The following PKLR variants were observed in gnomAD, a reference collection of about 807,000 sequenced individuals.
PKLR encodes the protein pyruvate kinase PKLR.
A neutral mutation model predicts 53.6 loss-of-function variants in PKLR; 38 were observed. The observed-to-expected ratio is 0.71, with a 90% CI of 0.55 to 0.93. PKLR has a LOEUF of 0.93. Ranked by LOEUF, PKLR falls within the 40% of genes least tolerant of loss-of-function variation. The pLI is 0.00. For synonymous variants in PKLR, 328 were observed against 316.2 expected, an observed-to-expected ratio of 1.04 and a Z score of -0.39; for missense variants, 702 against 787.3, an observed-to-expected ratio of 0.89 and a Z score of 1.30.
chr1:155,295,847 G>A lies in PKLR; in HGVS notation c.284-91C>T, dbSNP rs1033646517. 8 of 1,059,410 alleles carry A rather than the reference G, an allele frequency of 7.6e-6. No individual in the cohort carries two copies. The highest frequency in any genetic ancestry group is 3.8e-5 in the South Asian group (3 of 78,794). 65.6% of individuals were successfully genotyped at this position (1,059,410 alleles called of 1,614,324 possible). A position where few individuals can be genotyped will look rare whatever the true frequency, so the allele number is the denominator to read the frequency against. ...CATTACCATTCTCAGAACGCCTCACGCCACAGGCGTCCTGTTACCTGATCT... is the reference window on the plus strand; with the variant it reads ...CATTACCATTCTCAGAACGCCTCACACCACAGGCGTCCTGTTACCTGATCT... On this transcript the variant is annotated intron_variant, in intron 2 of 10. Coordinates refer to ENST00000342741, the MANE Select transcript of PKLR (RefSeq NM_000298.6). This position sits in a 1 kb window ranked among gnomAD's most constrained non-coding sequence, Gnocchi z 4.3.
At chr1:155,302,492 T>C (rs1572066125), upstream of PKLR, among the ~76,000 whole-genome samples, 1 of 151,872 alleles carries the variant, frequency 6.6e-6, no homozygotes. Flanking sequence ...CCGCCACAGC[T>C]TCCCAAAGTG....
In PKLR at chr1:155,290,557, G is replaced by A. The variant is rs374751259; in HGVS notation, c.*15C>T. 7 of 1,519,230 alleles carry A rather than the reference G, an allele frequency of 4.6e-6. No homozygotes were observed. Among genetic ancestry groups the A allele is most frequent in the Non-Finnish European group, 4.6e-6 (5 of 1,094,884 alleles). 94.1% of individuals were successfully genotyped at this position (1,519,230 alleles called of 1,614,324 possible). The stretch of plus-strand genomic sequence containing the variant: ...GGGTACAAGGGTAGGCTGGGCCAGA[G>A]GAGGGAGGGGCGTCTCAGGATATGC... On this transcript the variant is annotated 3_prime_UTR_variant, in exon 11 of 11. Coordinates refer to ENST00000342741, the MANE Select transcript of PKLR (RefSeq NM_000298.6).
chr1:155,295,843 TCACGCCA>T lies in PKLR; in HGVS notation c.284-94_284-88del, dbSNP rs1647562335. ...AACCCATTACCATTCTCAGAACGCC[TCACGCCA>T]CAGGCGTCCTGTTACCTGATCTTTA... On this transcript the variant is annotated intron_variant, in intron 2 of 10. Coordinates refer to ENST00000342741, the MANE Select transcript of PKLR (RefSeq NM_000298.6). The surrounding 1 kb of genome is among the most constrained non-coding windows in gnomAD (Gnocchi z 4.3). 1 of 1,141,448 alleles carries T rather than the reference TCACGCCA, an allele frequency of 8.8e-7. No homozygotes were observed. Among genetic ancestry groups the T allele is most frequent in the Non-Finnish European group, 1.3e-6 (1 of 756,702 alleles). 70.7% of individuals were successfully genotyped at this position (1,141,448 alleles called of 1,614,324 possible).
Position 155,293,380 on chromosome 1 carries a change from T to G in PKLR, c.1270-37A>C. The G allele has an allele frequency of 6.2e-7, 1 of 1,614,202 alleles. No homozygotes were observed. Among genetic ancestry groups the G allele is most frequent in the Non-Finnish European group, 8.5e-7 (1 of 1,180,026 alleles). ...AGAATGTTAGTCTGGGAAGGGGCAC[T>G]GGGGTATGGAAGGGATTTGGTTCCC... On this transcript the variant is annotated intron_variant, in intron 8 of 10. Coordinates refer to ENST00000342741, the MANE Select transcript of PKLR (RefSeq NM_000298.6). The surrounding 1 kb of genome is among the most constrained non-coding windows in gnomAD (Gnocchi z 4.2).
At chr1:155,308,228 A>AT in the PKLR span, among the ~76,000 whole-genome samples, 17,488 of 143,754 alleles carry the variant, frequency 0.12, 1,114 homozygotes, top group Non-Finnish European at 0.15. Flanking sequence ...CGCCCGACTA[A>AT]TTTTTTTTTT....
chr1:155,295,904 C>T lies in PKLR; in HGVS notation c.284-148G>A, dbSNP rs1572057985. The T allele has an allele frequency of 1.4e-6, 1 of 728,728 alleles. No individual in the cohort carries two copies. The highest frequency in any genetic ancestry group is 2.4e-6 in the Non-Finnish European group (1 of 409,316). The allele number at this position is 728,728 out of a possible 1,614,324, so 45.1% of individuals were successfully genotyped here. On this transcript the variant is annotated intron_variant, in intron 2 of 10. Transcript: ENST00000342741. This position sits in a 1 kb window ranked among gnomAD's most constrained non-coding sequence, Gnocchi z 4.3. ...CCTGATGCAACCCCTGCCCACAGATCACAGACTCCCCTTCCCTCTCAAGCC... is the reference window on the plus strand; with the variant it reads ...CCTGATGCAACCCCTGCCCACAGATTACAGACTCCCCTTCCCTCTCAAGCC...
the PKLR span, among the ~76,000 whole-genome samples, chr1:155,307,127 C>A: frequency 6.6e-6 from 1 of 152,106 alleles, no homozygotes; most frequent in African/African-American, 2.4e-5. Flanking sequence ...GTTGGCCAGG[C>A]TGGTCTTGAA....
At chr1:155,299,491 CTTTTTTT>C (rs35869567) in intron 2 of PKLR, among the ~76,000 whole-genome samples, 8 of 42,708 alleles carry the variant, frequency 1.9e-4, no homozygotes, top group Admixed American at 1.6e-3. Flanking sequence ...GCCCAGCCCA[CTTTTTTT>C]TTTTTTTTTT....
At chr1:155,298,616 C>T (rs139652303) in intron 2 of PKLR, among the ~76,000 whole-genome samples, 3 of 151,518 alleles carry the variant, frequency 2.0e-5, no homozygotes, top group African/African-American at 4.9e-5. Context: ...CGTGAGCCAC[C>T]GCGCCCAGCT....
intron 2 of PKLR, among the ~76,000 whole-genome samples, chr1:155,298,236 A>G (rs1420121008): frequency 1.3e-5 from 2 of 151,628 alleles, no homozygotes; most frequent in Non-Finnish European, 2.9e-5. Context: ...GGGTTTCACC[A>G]TGTTGGCCAG....
chr1:155,291,111 C>T (rs1351057557), intron 10 of PKLR, among the ~76,000 whole-genome samples: 1 of 152,006 alleles, frequency 6.6e-6, no homozygotes, highest in African/African-American at 2.4e-5. Flanking sequence ...CAGCCACCAC[C>T]TTTCACCACA....
intron 9 of PKLR, among the ~76,000 whole-genome samples, chr1:155,292,643 A>AAAAAC (rs971224003): frequency 2.6e-5 from 4 of 152,184 alleles, no homozygotes; most frequent in Non-Finnish European, 5.9e-5. Flanking sequence ...TTCTCAAAAG[A>AAAAAC]AAAACAAAAC....
rs1385287371 is a variant in PKLR, at chr1:155,293,226, C to A, written c.1387G>T (p.Ala463Ser). 1 of 1,614,068 alleles carries A rather than the reference C, an allele frequency of 6.2e-7. No homozygotes were observed. The highest frequency in any genetic ancestry group is 1.3e-5 in the African/African-American group (1 of 74,910). ...EVTAIGAVEA[A>S]FKCCAAAIIV... The stretch of plus-strand genomic sequence containing the variant: ...ATGGCAGCAGCACAGCACTTGAAGG[C>A]AGCCTCCACAGCACCAATGGCGGTG... The change falls in exon 9 of 11, where the codon GCC becomes TCC. Residue 463 changes from alanine to serine, a missense_variant. Coordinates refer to ENST00000342741, the MANE Select transcript of PKLR (RefSeq NM_000298.6). This position sits in a 1 kb window ranked among gnomAD's most constrained non-coding sequence, Gnocchi z 4.2.
chr1:155,308,427 A>T, the PKLR span: 1 of 364,388 alleles, frequency 2.7e-6, no homozygotes, highest in Non-Finnish European at 3.8e-6. Context: ...TGGTATTACC[A>T]CCCTCATTCA....
chr1:155,304,304 C>T (rs1020843726), upstream of PKLR, among the ~76,000 whole-genome samples: 18 of 151,798 alleles, frequency 1.2e-4, no homozygotes, highest in Non-Finnish European at 2.5e-4. Context: ...TGTGGTGGTG[C>T]GTGCCTGTAA....
Position 155,295,509 on chromosome 1 carries a change from T to TG in PKLR, c.434dup (p.Leu146ThrfsTer75), listed in dbSNP as rs1470677899. 6.2e-7 allele frequency: 1 copy of TG among 1,611,446 alleles called. No homozygotes were observed. Among genetic ancestry groups the TG allele is most frequent in the Non-Finnish European group, 8.5e-7 (1 of 1,178,982 alleles). On this transcript the variant is annotated frameshift_variant, in exon 4 of 11. Coordinates refer to ENST00000342741, the MANE Select transcript of PKLR (RefSeq NM_000298.6). LOFTEE classifies it high-confidence loss of function. The surrounding 1 kb of genome is among the most constrained non-coding windows in gnomAD (Gnocchi z 4.3). ...CGATGGCCACGGGCCGGTAGCTGAG[T>TG]GGGGAACCTGCAAAGCTCTCCACCG...
In PKLR at chr1:155,295,050, G is replaced by A; in HGVS notation, c.694+66C>T. 4 of 1,546,448 alleles carry A rather than the reference G, an allele frequency of 2.6e-6. No individual in the cohort carries two copies. The highest frequency in any genetic ancestry group is 1.4e-5 in the African/African-American group (1 of 73,484). ...GTGTGATCGGTCTGAGGGCTGATGG[G>A]GGAGCCAAGGAGAAGGGAATGTGCC... On this transcript the variant is annotated intron_variant, in intron 5 of 10. Coordinates refer to ENST00000342741, the MANE Select transcript of PKLR (RefSeq NM_000298.6). The surrounding 1 kb of genome is among the most constrained non-coding windows in gnomAD (Gnocchi z 4.3).
chr1:155,302,050 T>C (rs1458669424), upstream of PKLR, among the ~76,000 whole-genome samples: 1 of 151,800 alleles, frequency 6.6e-6, no homozygotes, highest in Non-Finnish European at 1.5e-5. Flanking sequence ...TTTTTCTTTT[T>C]CTTTTTTCTT....
chr1:155,298,123 G>GA (rs1647700616), intron 2 of PKLR, among the ~76,000 whole-genome samples: 3 of 151,826 alleles, frequency 2.0e-5, no homozygotes, highest in Non-Finnish European at 4.4e-5. Context: ...TCTGCTCCCT[G>GA]CCTTCCAGTT....
Sources: gnomAD v4.1 joint callset for allele counts (sites outside exome capture counted in the v4.1 genomes callset) on GRCh38, gnomAD v4.1.1 for gene constraint, Gnocchi (gnomAD v3.1) non-coding constraint, MANE v1.5 for transcripts, NCBI Gene and HGNC (gene_info 2026-07-23, HGNC 2026-07-21) for gene names.